The following RALGAPA2 variants were observed in gnomAD, a reference collection of about 807,000 sequenced individuals.
RALGAPA2 encodes Ral GTPase activating protein catalytic subunit alpha 2, also known as ral GTPase-activating protein subunit alpha-2.
Under a neutral mutation model 230.4 loss-of-function variants are expected in RALGAPA2, and 139 were observed. That is an observed-to-expected ratio of 0.60 (90% CI 0.53 to 0.69). RALGAPA2 has a LOEUF of 0.69. Ranked by LOEUF, RALGAPA2 falls within the 30% of genes least tolerant of loss-of-function variation. RALGAPA2 has a pLI of 0.00. For missense variants in RALGAPA2, 2,163 were observed against 2,276.0 expected, an observed-to-expected ratio of 0.95 and a Z score of 1.01; for synonymous variants, 847 against 837.8, an observed-to-expected ratio of 1.01 and a Z score of -0.19.
At chr20:20,469,298 AGAAAG>A (rs1440799604) in intron 37 of RALGAPA2, among the ~76,000 whole-genome samples, 1 of 152,250 alleles carries the variant, frequency 6.6e-6, no homozygotes, top group African/African-American at 2.4e-5. Context: ...CCACTGAACA[AGAAAG>A]AAACAAGGTT....
chr20:20,451,112 C>G, intron 37 of RALGAPA2, among the ~76,000 whole-genome samples: 1 of 152,174 alleles, frequency 6.6e-6, no homozygotes, highest in East Asian at 1.9e-4. Flanking sequence ...ACCAAATACA[C>G]ACCAGCTTAT....
At chr20:20,417,455 C>T (rs947259571) in intron 37 of RALGAPA2, among the ~76,000 whole-genome samples, 1 of 152,196 alleles carries the variant, frequency 6.6e-6, no homozygotes, top group Admixed American at 6.5e-5. Flanking sequence ...GCTTCCATGG[C>T]TACATGGCCT....
At chr20:20,548,870 C>A (rs2063844636) in intron 23 of RALGAPA2, among the ~76,000 whole-genome samples, 1 of 152,200 alleles carries the variant, frequency 6.6e-6, no homozygotes, top group African/African-American at 2.4e-5. Context: ...ATCAAGCTAT[C>A]CGGCAGCAGA....
Position 20,591,306 on chromosome 20 carries a change from C to G in RALGAPA2, c.2212G>C (p.Glu738Gln). ...IVRQKATEVE[E>Q]CQQSENAPAA... is the part of the protein sequence containing the mutation. ...GGTGCATTTTCTGACTGTTGACACTCCTCCACTTCTGTGAGCATTAACAAA... is the reference window on the plus strand; with the variant it reads ...GGTGCATTTTCTGACTGTTGACACTGCTCCACTTCTGTGAGCATTAACAAA... Residue 738 changes from glutamate (E) to glutamine (Q), a missense_variant, in exon 17 of 40, where the codon GAG (glutamate) becomes CAG (glutamine). Physicochemically the swap from Glu to Gln is conservative, Grantham distance 29. Transcript: ENST00000202677. The G allele has an allele frequency of 6.2e-7, 1 of 1,613,548 alleles. No homozygotes were observed. Among genetic ancestry groups the G allele is most frequent in the South Asian group, 1.1e-5 (1 of 91,036 alleles).
intron 16 of RALGAPA2, 68 bp from the exon 17 acceptor site, chr20:20,591,382 A>G (rs1602974422): frequency 2.0e-6 from 3 of 1,473,000 alleles, no homozygotes; most frequent in Non-Finnish European, 1.8e-6. Flanking sequence ...ACCACTTAAA[A>G]CAACCGATTT....
intron 16 of RALGAPA2, among the ~76,000 whole-genome samples, chr20:20,592,880 A>T (rs1396732018): frequency 6.6e-6 from 1 of 152,228 alleles, no homozygotes; most frequent in Non-Finnish European, 1.5e-5. Context: ...ATATGGTTAC[A>T]AGACCTCAAA....
chr20:20,546,715 C>A lies in RALGAPA2; in HGVS notation c.3274G>T (p.Asp1092Tyr). 1 of 1,600,106 alleles carries A rather than the reference C, an allele frequency of 6.2e-7. No homozygotes were observed. Among genetic ancestry groups the A allele is most frequent in the Non-Finnish European group, 8.5e-7 (1 of 1,175,928 alleles). The stretch of plus-strand genomic sequence containing the variant: ...ATTGTCATACTCACCGTCAAAATGT[C>A]TGTGCTAAGGACCCTGGCAGCGGCC... ...ITAAARVLST[D>Y]ILTAPRSEAV... The change falls in exon 24 of 40, where the codon GAC (aspartate) becomes TAC (tyrosine). Residue 1092 changes from aspartate to tyrosine, a missense_variant. By Grantham distance (160) the Asp-to-Tyr change is radical. Coordinates refer to ENST00000202677, the MANE Select transcript of RALGAPA2 (RefSeq NM_020343.4).
At chr20:20,512,392 G>C in intron 32 of RALGAPA2, 121 bp downstream of exon 32, 2 of 1,069,394 alleles carry the variant, frequency 1.9e-6, no homozygotes, top group Non-Finnish European at 2.6e-6. Context: ...TTAAAATAAA[G>C]AAAAATCTCC....
chr20:20,671,628 A>G (rs2068138095), intron 3 of RALGAPA2, among the ~76,000 whole-genome samples: 1 of 152,254 alleles, frequency 6.6e-6, no homozygotes, highest in Non-Finnish European at 1.5e-5. Flanking sequence ...TTATTCACTC[A>G]TATTTACCAT....
chr20:20,712,354 C>A lies in RALGAPA2; in HGVS notation c.106+21G>T. On this transcript the variant is annotated intron_variant, in intron 1 of 39. Coordinates refer to ENST00000202677, the MANE Select transcript of RALGAPA2 (RefSeq NM_020343.4). The surrounding 1 kb of genome is among the most constrained non-coding windows in gnomAD (Gnocchi z 5.5). ...GCCCCTAACCCGGCGCCCCGACCCCCGCGCCCGGCGCGCGCCTCACCCAGC... is the reference window on the plus strand; with the variant it reads ...GCCCCTAACCCGGCGCCCCGACCCCAGCGCCCGGCGCGCGCCTCACCCAGC... 1.3e-6 allele frequency: 2 copies of A among 1,545,078 alleles called. No individual in the cohort carries two copies. Among genetic ancestry groups the A allele is most frequent in the South Asian group, 1.2e-5 (1 of 83,788 alleles).
intron 37 of RALGAPA2, among the ~76,000 whole-genome samples, chr20:20,426,671 GATC>G (rs1262053141): frequency 2.0e-5 from 3 of 152,120 alleles, no homozygotes; most frequent in African/African-American, 7.2e-5. Context: ...TAATCTCAGA[GATC>G]ATCAGCAACA....
intron 18 of RALGAPA2, among the ~76,000 whole-genome samples, chr20:20,587,435 T>C (rs2065165012): frequency 6.6e-6 from 1 of 151,928 alleles, no homozygotes; most frequent in African/African-American, 2.4e-5. Flanking sequence ...ATTAATTCAA[T>C]AAATGGGACC....
chr20:20,582,468 T>C (rs946033162), intron 20 of RALGAPA2, among the ~76,000 whole-genome samples: 10 of 152,084 alleles, frequency 6.6e-5, no homozygotes, highest in African/African-American at 2.4e-4. Context: ...ATACAGAGTA[T>C]GAAGTCATTT....
chr20:20,681,223 G>A (rs1459910031), intron 1 of RALGAPA2, among the ~76,000 whole-genome samples: 1 of 152,146 alleles, frequency 6.6e-6, no homozygotes, highest in African/African-American at 2.4e-5. Context: ...CTTTGCTGGT[G>A]GAGCTCCTAA....
chr20:20,708,016 G>A lies in RALGAPA2; in HGVS notation c.106+4359C>T, dbSNP rs78107610. Among the ~76,000 whole-genome samples, 687 of 152,102 alleles carry A rather than the reference G, an allele frequency of 4.5e-3. 3 individuals are homozygous for A. The highest frequency in any genetic ancestry group is 0.016 in the African/African-American group (657 of 41,484). On this transcript the variant is annotated intron_variant, in intron 1 of 39. Coordinates refer to ENST00000202677, the MANE Select transcript of RALGAPA2 (RefSeq NM_020343.4). ...CAGCCACTAGTGACATATGGCTAAT[G>A]AGCACTTGAAAAACAGCTAGTGTGA... is the stretch of plus-strand genomic sequence containing the variant.
At chr20:20,655,034 G>A (rs1371895465) in intron 3 of RALGAPA2, among the ~76,000 whole-genome samples, 1 of 152,116 alleles carries the variant, frequency 6.6e-6, no homozygotes, top group Admixed American at 6.5e-5. Flanking sequence ...TTGGCCAAAT[G>A]TATCTATGTA....
chr20:20,474,584 G>A (rs2061609655), intron 36 of RALGAPA2, among the ~76,000 whole-genome samples: 1 of 152,244 alleles, frequency 6.6e-6, no homozygotes, highest in Non-Finnish European at 1.5e-5. Context: ...AAAGGTGACA[G>A]ATATATTTTG....
At chr20:20,444,920 C>T (rs185509995) in intron 37 of RALGAPA2, among the ~76,000 whole-genome samples, 3 of 152,208 alleles carry the variant, frequency 2.0e-5, no homozygotes, top group Non-Finnish European at 2.9e-5. Flanking sequence ...ACGCCGCATG[C>T]GCTGCCTATT....
rs1325637997 is a variant in RALGAPA2 at position 20,583,174 on chromosome 20, CA to C, written c.2582del (p.Leu861ArgfsTer15). The C allele has an allele frequency of 1.2e-6, 2 of 1,613,694 alleles. No individual in the cohort carries two copies. The highest frequency in any genetic ancestry group is 2.2e-5 in the South Asian group (2 of 91,076). ...CACAGGTCTGCCATGGGCCCATGGA[CA>C]GCTCTGCCTCATTGGTACAGCCCAG... is the stretch of plus-strand genomic sequence containing the variant. The part of the protein sequence containing the change: ...TTLGCTNEAE[L>X]SMGPWQTCEE... On this transcript the variant is annotated frameshift_variant, in exon 20 of 40. Coordinates refer to ENST00000202677, the MANE Select transcript of RALGAPA2 (RefSeq NM_020343.4). LOFTEE classifies it high-confidence loss of function.
Sources: gnomAD v4.1 joint callset for allele counts (sites outside exome capture counted in the v4.1 genomes callset) on GRCh38, gnomAD v4.1.1 for gene constraint, Gnocchi (gnomAD v3.1) non-coding constraint, MANE v1.5 for transcripts, NCBI Gene and HGNC (gene_info 2026-07-23, HGNC 2026-07-21) for gene names.